The following PCDH9 variants were observed in gnomAD, a reference collection of about 807,000 sequenced individuals.
PCDH9 encodes the protein protocadherin 9.
Under a neutral mutation model 70.6 loss-of-function variants are expected in PCDH9, and 24 were observed. The ratio of observed to expected loss-of-function variants is 0.34; its 90% CI spans 0.25 to 0.48. PCDH9 has a LOEUF of 0.48. Among genes scored for constraint, PCDH9 ranks in the 20% least tolerant of loss-of-function variants. The pLI is 0.99. For missense variants in PCDH9, 1,281 were observed against 1,503.6 expected (o/e 0.85, Z 2.45); for synonymous variants, 562 against 558.5 (o/e 1.01, Z -0.09).
intron 2 of PCDH9, among the ~76,000 whole-genome samples, chr13:67,142,478 T>G (rs1324477395): frequency 6.6e-6 from 1 of 152,218 alleles, no homozygotes; most frequent in Non-Finnish European, 1.5e-5. Context: ...TGTTTGAATT[T>G]TAAATGAAAA....
chr13:66,871,936 A>T (rs1379851036), intron 3 of PCDH9, among the ~76,000 whole-genome samples: 2 of 152,066 alleles, frequency 1.3e-5, no homozygotes, highest in African/African-American at 2.4e-5. Flanking sequence ...ATCTCTATGG[A>T]ATACCTTCTC....
intron 3 of PCDH9, among the ~76,000 whole-genome samples, chr13:66,857,765 A>T (rs946277723): frequency 1.3e-5 from 2 of 152,170 alleles, no homozygotes; most frequent in Non-Finnish European, 2.9e-5. Flanking sequence ...TGTAGTACAC[A>T]TGAAAGCTTC....
At chr13:66,736,590 T>C (rs1351269559) in intron 3 of PCDH9, among the ~76,000 whole-genome samples, 1 of 151,338 alleles carries the variant, frequency 6.6e-6, no homozygotes, top group African/African-American at 2.5e-5. Context: ...AGCAAACGAA[T>C]ATAGCCTTCT....
chr13:67,108,964 C>A (rs1484048385), intron 2 of PCDH9, among the ~76,000 whole-genome samples: 1 of 152,136 alleles, frequency 6.6e-6, no homozygotes, highest in African/African-American at 2.4e-5. Flanking sequence ...ATTACCATGT[C>A]AGATTCAGTC....
chr13:66,570,847 A>T (rs1284649946), intron 4 of PCDH9, among the ~76,000 whole-genome samples: 1 of 152,116 alleles, frequency 6.6e-6, no homozygotes, highest in Non-Finnish European at 1.5e-5. Context: ...ACACATTAAG[A>T]TAAATGGCTT....
At position 66,409,917 on chromosome 13, in the gene PCDH9, C is replaced by T. The variant is rs17081258; in HGVS notation, c.3341-104889G>A. 8.4e-3 allele frequency among the ~76,000 whole-genome samples: 1,280 copies of T among 152,254 alleles called. 14 individuals carry two copies. The highest frequency in any genetic ancestry group is 0.029 in the African/African-American group (1,216 of 41,534). Reference sequence around the variant, plus strand: ...TACTCCACATTCTGAAAAGTTAAACCTGGCAATCCTATTTTAAGGTTCCCA... The same window carrying T: ...TACTCCACATTCTGAAAAGTTAAACTTGGCAATCCTATTTTAAGGTTCCCA... On this transcript the variant is annotated intron_variant, in intron 4 of 4. Transcript: ENST00000377865.
intron 3 of PCDH9, among the ~76,000 whole-genome samples, chr13:66,879,013 A>G (rs1346725433): frequency 6.6e-6 from 1 of 152,218 alleles, no homozygotes; most frequent in Non-Finnish European, 1.5e-5. Flanking sequence ...GTCATTCAGC[A>G]TAACAAGGAG....
intron 4 of PCDH9, among the ~76,000 whole-genome samples, chr13:66,441,193 G>A (rs542617677): frequency 5.2e-4 from 79 of 152,294 alleles, no homozygotes; most frequent in Middle Eastern, 3.4e-3. Flanking sequence ...ACCAGCAAGT[G>A]AAGTGTGTTA....
At chr13:66,799,085 C>T (rs1484916315) in intron 3 of PCDH9, among the ~76,000 whole-genome samples, 20 of 152,046 alleles carry the variant, frequency 1.3e-4, no homozygotes, top group Admixed American at 6.6e-5. Flanking sequence ...AAAGTGCTTA[C>T]AGGGATTACA....
chr13:66,695,746 T>C (rs1173611885), intron 3 of PCDH9, among the ~76,000 whole-genome samples: 3 of 152,178 alleles, frequency 2.0e-5, no homozygotes, highest in Non-Finnish European at 4.4e-5. Flanking sequence ...GATTGCACTG[T>C]AAGTACAAAA....
chr13:66,486,385 A>AG (rs1958942891), intron 4 of PCDH9, among the ~76,000 whole-genome samples: 1 of 152,090 alleles, frequency 6.6e-6, no homozygotes, highest in African/African-American at 2.4e-5. Context: ...TGAGCCTAGG[A>AG]GGTCAAGGCT....
At chr13:66,824,485 G>A (rs1035393048) in intron 3 of PCDH9, among the ~76,000 whole-genome samples, 10 of 148,626 alleles carry the variant, frequency 6.7e-5, no homozygotes, top group Non-Finnish European at 1.5e-4. Flanking sequence ...GTGAAACCCC[G>A]TCTCTACTAA....
intron 3 of PCDH9, among the ~76,000 whole-genome samples, chr13:66,774,284 A>G (rs903158452): frequency 2.6e-5 from 4 of 152,130 alleles, no homozygotes; most frequent in Admixed American, 2.0e-4. Flanking sequence ...ACCTGGTGGA[A>G]TAAAAAGCCA....
chr13:66,980,742 G>GTTT (rs550869529), intron 2 of PCDH9, among the ~76,000 whole-genome samples: 17 of 107,378 alleles, frequency 1.6e-4, no homozygotes, highest in African/African-American at 4.6e-4. Flanking sequence ...TTTTTTTTTT[G>GTTT]TTTTTTTTTT....
chr13:66,884,052 A>G (rs960679446), intron 3 of PCDH9, among the ~76,000 whole-genome samples: 1 of 151,206 alleles, frequency 6.6e-6, no homozygotes, highest in African/African-American at 2.4e-5. Context: ...ACAGGCACAC[A>G]CCCTGCCCAG....
chr13:66,363,921 G>A (rs772161147), intron 4 of PCDH9, among the ~76,000 whole-genome samples: 57 of 152,040 alleles, frequency 3.7e-4, no homozygotes, highest in Non-Finnish European at 5.9e-4. Flanking sequence ...TTGGGAGGCC[G>A]AGGCAGGTGG....
chr13:66,340,189 G>A (rs1956102738), intron 4 of PCDH9, among the ~76,000 whole-genome samples: 1 of 152,172 alleles, frequency 6.6e-6, no homozygotes, highest in Non-Finnish European at 1.5e-5. Context: ...TTTATATGGT[G>A]AAACCAAAAT....
intron 3 of PCDH9, among the ~76,000 whole-genome samples, chr13:66,774,909 T>C (rs2079866229): frequency 6.6e-6 from 1 of 152,188 alleles, no homozygotes; most frequent in South Asian, 2.1e-4. Flanking sequence ...TTTCATCCAT[T>C]TTACCCACTA....
intron 3 of PCDH9, among the ~76,000 whole-genome samples, chr13:66,844,732 C>T (rs1051801889): frequency 6.6e-6 from 1 of 152,040 alleles, no homozygotes; most frequent in Non-Finnish European, 1.5e-5. Flanking sequence ...GAGAAGTTAC[C>T]TCATCCTGCC....
Sources: allele counts gnomAD v4.1 joint callset (sites outside exome capture counted in the v4.1 genomes callset), GRCh38; gene constraint gnomAD v4.1.1; transcripts MANE v1.5; gene names NCBI Gene and HGNC (gene_info 2026-07-23, HGNC 2026-07-21).